The following CWC27 variants were observed in gnomAD, a reference collection of about 807,000 sequenced individuals.
The protein encoded by CWC27 is CWC27 spliceosome associated cyclophilin.
CWC27 carries 47 observed loss-of-function variants against 63.6 expected under a neutral mutation model. The observed-to-expected ratio is 0.74, with a 90% CI of 0.58 to 0.94. The LOEUF (loss-of-function observed/expected upper bound fraction) is 0.94. CWC27 is among the 40% of genes least tolerant of loss of function. The pLI, the probability that CWC27 is intolerant of heterozygous loss-of-function variation, is 0.00. For missense variants in CWC27, 495 were observed against 554.3 expected (o/e 0.89, Z 1.07); for synonymous variants, 175 against 179.8 (o/e 0.97, Z 0.22).
At chr5:64,873,527 G>A (rs1030936137) in intron 10 of CWC27, among the ~76,000 whole-genome samples, 3 of 151,562 alleles carry the variant, frequency 2.0e-5, no homozygotes, top group Non-Finnish European at 4.4e-5. Context: ...TTTTCAAATA[G>A]GATTATTGGG....
At chr5:64,827,371 A>G (rs1307592595) in intron 10 of CWC27, among the ~76,000 whole-genome samples, 1 of 152,114 alleles carries the variant, frequency 6.6e-6, no homozygotes, top group East Asian at 1.9e-4. Context: ...CCACGTTTGC[A>G]TGAGTTTTAT....
chr5:64,826,695 G>GTTT (rs750357983), intron 10 of CWC27, among the ~76,000 whole-genome samples: 57 of 84,926 alleles, frequency 6.7e-4, no homozygotes, highest in African/African-American at 2.7e-3. Flanking sequence ...TAACTTTGGT[G>GTTT]TTTTTTTGTT....
intron 11 of CWC27, among the ~76,000 whole-genome samples, chr5:64,943,821 T>C (rs1580741402): frequency 1.3e-5 from 2 of 152,260 alleles, no homozygotes; most frequent in East Asian, 3.9e-4. Flanking sequence ...TGGGCCTTTC[T>C]TTTCATAGGA....
intron 11 of CWC27, among the ~76,000 whole-genome samples, chr5:64,948,920 T>C (rs951031567): frequency 2.0e-5 from 3 of 151,996 alleles, no homozygotes; most frequent in African/African-American, 7.2e-5. Flanking sequence ...CTACAGAACC[T>C]TGATTCCATA....
chr5:64,882,708 C>T (rs150564082), intron 10 of CWC27, among the ~76,000 whole-genome samples: 54 of 152,296 alleles, frequency 3.5e-4, no homozygotes, highest in African/African-American at 1.3e-3. Context: ...ATTTTCCTGC[C>T]TCAGCCTCCC....
intron 7 of CWC27, among the ~76,000 whole-genome samples, chr5:64,789,626 C>T (rs1744006403): frequency 6.6e-6 from 1 of 152,056 alleles, no homozygotes; most frequent in Non-Finnish European, 1.5e-5. Context: ...GCTAGTCCTT[C>T]CTGTAGGCCT....
intron 10 of CWC27, among the ~76,000 whole-genome samples, chr5:64,806,166 A>G (rs1245003074): frequency 6.6e-6 from 1 of 152,190 alleles, no homozygotes; most frequent in Non-Finnish European, 1.5e-5. Flanking sequence ...TACTTATGTA[A>G]ACAATTTTTC....
At chr5:64,835,416 G>A (rs1745635200) in intron 10 of CWC27, among the ~76,000 whole-genome samples, 1 of 151,806 alleles carries the variant, frequency 6.6e-6, no homozygotes, top group South Asian at 2.1e-4. Context: ...GATGTCTTAT[G>A]CATGCAAACC....
chr5:64,915,929 C>T (rs2112384243), intron 11 of CWC27, among the ~76,000 whole-genome samples: 1 of 152,208 alleles, frequency 6.6e-6, no homozygotes, highest in East Asian at 1.9e-4. Flanking sequence ...TTTGTTCTTT[C>T]TATTGTATTT....
chr5:64,789,297 C>CTCT lies in CWC27; in HGVS notation c.669+278_669+279insCTT, dbSNP rs1743994251. On this transcript the variant is annotated intron_variant, in intron 7 of 13. Coordinates refer to ENST00000381070, the MANE Select transcript of CWC27 (RefSeq NM_005869.4). ...GACTTTATGATTCAGATCCTAACTG[C>CTCT]TATTTTTTCAGGTAGTATGTTAGAT... Among the ~76,000 whole-genome samples, 4 of 151,924 alleles carry CTCT rather than the reference C, an allele frequency of 2.6e-5. No individual in the cohort carries two copies. The South Asian group carries it at 8.3e-4, about 32-fold the overall frequency.
chr5:64,959,548 G>A (rs1748864093), intron 11 of CWC27, among the ~76,000 whole-genome samples: 1 of 152,162 alleles, frequency 6.6e-6, no homozygotes, highest in Non-Finnish European at 1.5e-5. Context: ...AGAAAGCTTA[G>A]TGCCCAGTGG....
chr5:64,812,372 A>G (rs719396), intron 10 of CWC27, among the ~76,000 whole-genome samples: 61,073 of 151,914 alleles, frequency 0.4, 13,606 homozygotes, highest in African/African-American at 0.59. Flanking sequence ...TAGGACTAGA[A>G]CATTTCTGCT....
Position 64,954,480 on chromosome 5 carries a change from C to T in CWC27, c.1043-17223C>T, listed in dbSNP as rs1468247851. ...AAATTTTTTTAAAGACATGGGATCT[C>T]GCTATGTTGCCCAGCCTGGACTCGG... On this transcript the variant is annotated intron_variant, in intron 11 of 13. Coordinates refer to ENST00000381070, the MANE Select transcript of CWC27 (RefSeq NM_005869.4). 3.3e-5 allele frequency among the ~76,000 whole-genome samples: 5 copies of T among 151,946 alleles called. No homozygotes were observed. The East Asian group carries it at 5.8e-4, about 18-fold the overall frequency.
At chr5:64,778,744 C>T (rs906055818) in intron 2 of CWC27, among the ~76,000 whole-genome samples, 8 of 152,040 alleles carry the variant, frequency 5.3e-5, no homozygotes, top group Non-Finnish European at 8.8e-5. Flanking sequence ...AAATGGTTAC[C>T]TAGGAATATA....
intron 10 of CWC27, among the ~76,000 whole-genome samples, chr5:64,834,681 A>G (rs552462247): frequency 6.6e-6 from 1 of 151,860 alleles, no homozygotes; most frequent in South Asian, 2.1e-4. Context: ...TGTTGAAACT[A>G]GAGTGTTTCT....
intron 11 of CWC27, among the ~76,000 whole-genome samples, chr5:64,892,191 CTGG>C (rs1747255055): frequency 1.3e-5 from 2 of 152,070 alleles, no homozygotes; most frequent in Admixed American, 6.6e-5. Flanking sequence ...TCTTTCTGGC[CTGG>C]TGGTTGTAAT....
intron 13 of CWC27, among the ~76,000 whole-genome samples, chr5:65,003,633 TTTC>T (rs1194488527): frequency 6.6e-6 from 1 of 152,198 alleles, no homozygotes; most frequent in African/African-American, 2.4e-5. Flanking sequence ...AAAGACTTTA[TTTC>T]TTCTTCATTT....
At chr5:64,840,953 G>T (rs1199602272) in intron 10 of CWC27, among the ~76,000 whole-genome samples, 1 of 152,156 alleles carries the variant, frequency 6.6e-6, no homozygotes, top group African/African-American at 2.4e-5. Context: ...AGAAAAGCAT[G>T]CTATAGCTAT....
intron 13 of CWC27, among the ~76,000 whole-genome samples, chr5:65,010,120 A>G (rs1749920653): frequency 6.6e-6 from 1 of 152,198 alleles, no homozygotes; most frequent in Non-Finnish European, 1.5e-5. Context: ...GTGTTAAAGA[A>G]ATTCAAAGGC....
Sources: gnomAD v4.1 joint callset for allele counts (sites outside exome capture counted in the v4.1 genomes callset) on GRCh38, gnomAD v4.1.1 for gene constraint, MANE v1.5 for transcripts, NCBI Gene and HGNC (gene_info 2026-07-23, HGNC 2026-07-21) for gene names.